The following FNIP2 variants were observed in gnomAD, a reference collection of about 807,000 sequenced individuals.
FNIP2 encodes the protein folliculin-interacting protein 2.
FNIP2 carries 32 observed loss-of-function variants against 108.7 expected under a neutral mutation model. That is an observed-to-expected ratio of 0.29 (90% CI 0.22 to 0.40). The LOEUF is 0.40. Ranked by LOEUF, FNIP2 falls within the 10% of genes least tolerant of loss-of-function variation. The probability of loss-of-function intolerance (pLI) is 1.00; values close to 1 mark genes in which losing one functional copy is unlikely to be tolerated. For synonymous variants in FNIP2, 480 were observed against 496.7 expected (o/e 0.97, Z 0.45); for missense variants, 1,202 against 1,381.6 (o/e 0.87, Z 2.06).
At chr4:158,770,769 C>T (rs189364410) in intron 1 of FNIP2, among the ~76,000 whole-genome samples, 1 of 152,280 alleles carries the variant, frequency 6.6e-6, no homozygotes, top group Admixed American at 6.5e-5. Context: ...CCCTTCCCTC[C>T]CTGTAACCCA....
At chr4:158,838,201 A>G (rs531825083) in intron 7 of FNIP2, among the ~76,000 whole-genome samples, 1 of 150,932 alleles carries the variant, frequency 6.6e-6, no homozygotes, top group South Asian at 2.1e-4. Flanking sequence ...AAAGACATAA[A>G]GATATTATTT....
At chr4:158,864,842 T>C (rs1435431218) in intron 12 of FNIP2, among the ~76,000 whole-genome samples, 1 of 152,062 alleles carries the variant, frequency 6.6e-6, no homozygotes, top group African/African-American at 2.4e-5. Flanking sequence ...TCACCCCAGT[T>C]CTCTATCATT....
At chr4:158,894,248 G>A (rs1782490114) in intron 15 of FNIP2, among the ~76,000 whole-genome samples, 1 of 147,058 alleles carries the variant, frequency 6.8e-6, no homozygotes, top group Non-Finnish European at 1.5e-5. Flanking sequence ...TTGGCTCACT[G>A]CAGCCTTGAC....
At chr4:158,819,095 G>GT (rs976366120) in intron 1 of FNIP2, among the ~76,000 whole-genome samples, 44 of 152,290 alleles carry the variant, frequency 2.9e-4, no homozygotes, top group Middle Eastern at 3.4e-3. Flanking sequence ...TCCCTTCCCA[G>GT]TTGTAAGCAT....
chr4:158,846,998 T>C (rs1381518401), intron 7 of FNIP2, among the ~76,000 whole-genome samples: 1 of 152,160 alleles, frequency 6.6e-6, no homozygotes, highest in Non-Finnish European at 1.5e-5. Flanking sequence ...TGCATTGGAA[T>C]GCAGTGCTGC....
chr4:158,874,492 CAA>C (rs56397772), intron 14 of FNIP2, among the ~76,000 whole-genome samples: 11 of 91,446 alleles, frequency 1.2e-4, no homozygotes, highest in East Asian at 8.8e-4. Flanking sequence ...CCATCTCTAG[CAA>C]AAAAAAAAAA....
intron 3 of FNIP2, 73 bp downstream of exon 3, chr4:158,829,298 A>G: frequency 7.3e-7 from 1 of 1,365,366 alleles, no homozygotes; most frequent in Non-Finnish European, 9.9e-7. Context: ...TTGGGAAATA[A>G]TGCCTGCTCG....
At chr4:158,810,866 C>T (rs530075573) in intron 1 of FNIP2, among the ~76,000 whole-genome samples, 2 of 152,364 alleles carry the variant, frequency 1.3e-5, no homozygotes, top group South Asian at 4.1e-4. Context: ...TCAAGTTCTG[C>T]TCAGCTCTGT....
chr4:158,893,695 T>C (rs747519186), intron 15 of FNIP2: 2 of 1,588,918 alleles, frequency 1.3e-6, no homozygotes, highest in East Asian at 2.2e-5. Context: ...GTTATGCTGA[T>C]TTAGAGGTTA....
intron 14 of FNIP2, chr4:158,871,476 A>T: frequency 1.0e-6 from 1 of 985,306 alleles, no homozygotes; most frequent in Non-Finnish European, 1.2e-6. Context: ...CTCTGTGAAG[A>T]CCAAACATCA....
chr4:158,895,926 C>G (rs1399819746), intron 16 of FNIP2, 61 bp downstream of exon 16: 2 of 1,261,664 alleles, frequency 1.6e-6, no homozygotes, highest in Admixed American at 1.9e-5. Flanking sequence ...ATTGTACCCA[C>G]TAACGTGTTT....
chr4:158,885,749 C>G (rs141518342), intron 14 of FNIP2, among the ~76,000 whole-genome samples: 1 of 152,306 alleles, frequency 6.6e-6, no homozygotes, highest in African/African-American at 2.4e-5. Flanking sequence ...ACAGACATAG[C>G]AACTGAGGCC....
In FNIP2 at chr4:158,884,454, C is replaced by T. The variant is rs549590917; in HGVS notation, c.2950-6992C>T. On this transcript the variant is annotated intron_variant, in intron 14 of 16. Coordinates refer to ENST00000264433, the MANE Select transcript of FNIP2 (RefSeq NM_020840.3). Reference sequence around the variant, plus strand: ...GTGCCAAAATGAATGGTGTGGACAGCAAGTATTCTCAGAGGTCAAAGGAAG... The same window carrying T: ...GTGCCAAAATGAATGGTGTGGACAGTAAGTATTCTCAGAGGTCAAAGGAAG... Among the ~76,000 whole-genome samples the T allele has an allele frequency of 2.0e-5, 3 of 152,218 alleles. No homozygotes were observed. In the East Asian group the frequency reaches 5.8e-4, roughly 29 times the overall value.
At chr4:158,878,299 A>G (rs1232353093) in intron 14 of FNIP2, among the ~76,000 whole-genome samples, 1 of 152,178 alleles carries the variant, frequency 6.6e-6, no homozygotes, top group African/African-American at 2.4e-5. Context: ...ACCTGGAATC[A>G]AGCCCCTTAC....
intron 10 of FNIP2, among the ~76,000 whole-genome samples, chr4:158,860,316 T>TA (rs1012430927): frequency 1.1e-4 from 16 of 150,516 alleles, no homozygotes; most frequent in Middle Eastern, 3.4e-3. Context: ...AGAGGAAGGA[T>TA]AAAAAAAAAA....
chr4:158,872,266 A>G, intron 14 of FNIP2: 1 of 985,440 alleles, frequency 1.0e-6, no homozygotes, highest in Non-Finnish European at 1.2e-6. Context: ...AAAACCATTC[A>G]TGAAATATTT....
At chr4:158,864,681 T>C (rs1443134595) in intron 12 of FNIP2, among the ~76,000 whole-genome samples, 2 of 152,112 alleles carry the variant, frequency 1.3e-5, no homozygotes, top group African/African-American at 4.8e-5. Flanking sequence ...CATTCTTTCC[T>C]CTCCTCTTTC....
chr4:158,769,474 T>C (rs887959799), intron 1 of FNIP2, among the ~76,000 whole-genome samples, 155 bp downstream of exon 1: 3 of 152,174 alleles, frequency 2.0e-5, no homozygotes, highest in Admixed American at 2.0e-4. Context: ...TGGACGCGCC[T>C]GATCCGAGTG....
At chr4:158,783,525 C>G (rs1776119539) in intron 1 of FNIP2, among the ~76,000 whole-genome samples, 1 of 152,232 alleles carries the variant, frequency 6.6e-6, no homozygotes, top group African/African-American at 2.4e-5. Context: ...GAAGACTCCA[C>G]TTTTCTTTTC....
Sources: gnomAD v4.1 joint callset for allele counts (sites outside exome capture counted in the v4.1 genomes callset) on GRCh38, gnomAD v4.1.1 for gene constraint, MANE v1.5 for transcripts, NCBI Gene and HGNC (gene_info 2026-07-23, HGNC 2026-07-21) for gene names.